RFX6: variants seen among roughly 807,000 people sequenced by gnomAD.
RFX6 encodes DNA-binding protein RFX6.
In RFX6, 50 loss-of-function variants were observed where a neutral mutation model predicts 110.8. The ratio of observed to expected loss-of-function variants is 0.45; its 90% CI spans 0.36 to 0.57. RFX6 has a LOEUF of 0.57. Among genes scored for constraint, RFX6 ranks in the 20% least tolerant of loss-of-function variants. The pLI, the probability that RFX6 is intolerant of heterozygous loss-of-function variation, is 0.00. For synonymous variants in RFX6, 383 were observed against 411.2 expected (o/e 0.93, Z 0.83); for missense variants, 990 against 1,127.0 (o/e 0.88, Z 1.74).
At chr6:116,905,673 TC>T (rs1215453268) in intron 6 of RFX6, among the ~76,000 whole-genome samples, 2 of 151,692 alleles carry the variant, frequency 1.3e-5, no homozygotes, top group Non-Finnish European at 2.9e-5. Context: ...TGCCTCAGCC[TC>T]CCAAGGAGCT....
intron 9 of RFX6, among the ~76,000 whole-genome samples, chr6:116,916,815 G>A (rs1401165777): frequency 6.6e-6 from 1 of 152,078 alleles, no homozygotes; most frequent in Non-Finnish European, 1.5e-5. Flanking sequence ...TCCTAAATAA[G>A]GACAAACTGA....
At chr6:116,911,239 G>T (rs909072536) in intron 7 of RFX6, among the ~76,000 whole-genome samples, 197 bp downstream of exon 7, 1 of 152,174 alleles carries the variant, frequency 6.6e-6, no homozygotes, top group Non-Finnish European at 1.5e-5. Context: ...CTCCATGATA[G>T]TGTGTAATCA....
At chr6:116,880,893 C>T (rs761820367) in intron 3 of RFX6, among the ~76,000 whole-genome samples, 1 of 151,958 alleles carries the variant, frequency 6.6e-6, no homozygotes, top group African/African-American at 2.4e-5. Flanking sequence ...TTAAAGCAAG[C>T]TTTGTTTAAG....
intron 9 of RFX6, among the ~76,000 whole-genome samples, chr6:116,916,691 T>A (rs994759665): frequency 8.5e-5 from 13 of 152,130 alleles, no homozygotes; most frequent in African/African-American, 2.9e-4. Context: ...GGCACCCTTA[T>A]GAGATTAATA....
At position 116,894,056 on chromosome 6, in the gene RFX6, C is replaced by G; in HGVS notation, c.636C>G (p.Gly212=). The G allele has an allele frequency of 6.4e-7, 1 of 1,570,854 alleles. No individual in the cohort carries two copies. Among genetic ancestry groups the G allele is most frequent in the Non-Finnish European group, 8.8e-7 (1 of 1,140,750 alleles). The change falls in exon 5 of 19, where the codon GGC becomes GGG. Residue 212 remains glycine (G), a synonymous_variant. Coordinates refer to ENST00000332958, the MANE Select transcript of RFX6 (RefSeq NM_173560.4). The stretch of plus-strand genomic sequence containing the variant: ...ACCACTCCGTTTATTCTGGAAAGGG[C>G]TTGACAAGGTAGAGTTACACCATCT... ...AYYHSVYSGK[G]LTRFSGSKLK...
intron 10 of RFX6, 54 bp downstream of exon 10, chr6:116,918,140 C>T (rs2114695086): frequency 8.3e-7 from 1 of 1,211,228 alleles, no homozygotes; most frequent in Non-Finnish European, 1.2e-6. Flanking sequence ...TAACTTTATA[C>T]ATTATATTAG....
At chr6:116,884,901 T>C (rs1774667111) in intron 4 of RFX6, 1 of 152,178 alleles carries the variant, frequency 6.6e-6, no homozygotes, top group South Asian at 2.1e-4. Flanking sequence ...CCATTTGATA[T>C]TTGTGACGTG....
At chr6:116,878,262 G>T (rs985063569) in intron 2 of RFX6, among the ~76,000 whole-genome samples, 3 of 152,064 alleles carry the variant, frequency 2.0e-5, no homozygotes, top group African/African-American at 7.2e-5. Flanking sequence ...TATGCAATCA[G>T]TTCAGTCCTT....
intron 1 of RFX6, 120 bp from the exon 2 acceptor site, chr6:116,877,676 C>A: frequency 9.1e-7 from 1 of 1,103,758 alleles, no homozygotes; most frequent in South Asian, 1.4e-5. Context: ...CATAGCCCCC[C>A]TTTCCTCCCC....
At chr6:116,928,174 GATA>G (rs1775793627) in intron 17 of RFX6, among the ~76,000 whole-genome samples, 1 of 151,976 alleles carries the variant, frequency 6.6e-6, no homozygotes, top group Admixed American at 6.6e-5. Context: ...ATTTTTAGTG[GATA>G]ATATTTCTTC....
In RFX6 at chr6:116,927,502, C is replaced by G; in HGVS notation, c.2361C>G (p.Ser787Arg). Reference sequence around the variant, plus strand: ...TCTTGAGCAACACAGGAGCTGCCAGCTGCCAAGGAGCAACACTGCCTCCTA... The same window carrying G: ...TCTTGAGCAACACAGGAGCTGCCAGGTGCCAAGGAGCAACACTGCCTCCTA... ...FNFLSNTGAA[S>R]CQGATLPPNS... Residue 787 changes from serine (S) to arginine (R), a missense_variant, in exon 17 of 19, where the codon AGC (serine) becomes AGG (arginine). Ser to Arg is a moderately radical substitution (Grantham distance 110). This residue lies in a region of RFX6 where 438 missense variants were observed against 441.9 expected (regional missense o/e 0.99). Coordinates refer to ENST00000332958, the MANE Select transcript of RFX6 (RefSeq NM_173560.4). The G allele has an allele frequency of 6.2e-7, 1 of 1,613,958 alleles. No homozygotes were observed. The highest frequency in any genetic ancestry group is 1.7e-5 in the Admixed American group (1 of 60,022).
rs146886010 is a variant in RFX6 at position 116,924,725 on chromosome 6, A to T, written c.1612A>T (p.Thr538Ser). 28 of 1,600,338 alleles carry T rather than the reference A, an allele frequency of 1.7e-5. No homozygotes were observed. In the African/African-American group the frequency reaches 3.6e-4, roughly 21 times the overall value. ...LDEYILLAMETQFNNDKEQEL... is the reference protein window; with the variant it reads ...LDEYILLAMESQFNNDKEQEL... Reference sequence around the variant, plus strand: ...TGAATACATTCTCCTGGCCATGGAGACCCAGTTTAATAATGACAAAGAGCA... The same window carrying T: ...TGAATACATTCTCCTGGCCATGGAGTCCCAGTTTAATAATGACAAAGAGCA... Residue 538 changes from threonine to serine, a missense_variant, in exon 15 of 19, where the codon ACC (threonine) becomes TCC (serine). Thr to Ser is a moderately conservative substitution (Grantham distance 58). Coordinates refer to ENST00000332958, the MANE Select transcript of RFX6 (RefSeq NM_173560.4).
At chr6:116,904,358 T>C (rs1434540521) in intron 6 of RFX6, among the ~76,000 whole-genome samples, 1 of 152,120 alleles carries the variant, frequency 6.6e-6, no homozygotes, top group Non-Finnish European at 1.5e-5. Flanking sequence ...AAGATTTTTA[T>C]TTTATGGTTA....
At position 116,931,987 on chromosome 6, in the gene RFX6, CTT is replaced by C. The variant is rs1265486604; in HGVS notation, c.*482_*483del. On this transcript the variant is annotated 3_prime_UTR_variant, in exon 19 of 19. Coordinates refer to ENST00000332958, the MANE Select transcript of RFX6 (RefSeq NM_173560.4). ...AACGGAAATGTTTACAAGGTCAAGACTTAATTCAATTCAGACAAGACCAAAGT... is the reference window on the plus strand; with the variant it reads ...AACGGAAATGTTTACAAGGTCAAGACAATTCAATTCAGACAAGACCAAAGT... 1 of 160,614 alleles carries C rather than the reference CTT, an allele frequency of 6.2e-6. No homozygotes were observed. Among genetic ancestry groups the C allele is most frequent in the African/African-American group, 2.4e-5 (1 of 41,486 alleles). The allele number at this position is 160,614 out of a possible 1,614,324, so 9.9% of individuals were successfully genotyped here.
intron 6 of RFX6, among the ~76,000 whole-genome samples, chr6:116,910,035 AAAG>A (rs992027537): frequency 5.3e-5 from 8 of 152,290 alleles, no homozygotes; most frequent in African/African-American, 1.4e-4. Context: ...AGAGATAAAC[AAAG>A]AAGTGCAGTC....
At chr6:116,922,228 G>T (rs979818569) in intron 13 of RFX6, 77 bp downstream of exon 13, 4 of 792,106 alleles carry the variant, frequency 5.0e-6, no homozygotes, top group South Asian at 4.1e-5. Context: ...TTTTTTGTCT[G>T]GGGGGAGAGG....
Position 116,893,856 on chromosome 6 carries a change from A to G in RFX6, c.567-131A>G, listed in dbSNP as rs533398146. The G allele has an allele frequency of 4.2e-6, 3 of 718,876 alleles. No homozygotes were observed. In the African/African-American group the frequency reaches 5.2e-5, roughly 13 times the overall value. 44.5% of individuals were successfully genotyped at this position (718,876 alleles called of 1,614,324 possible). On this transcript the variant is annotated intron_variant, in intron 4 of 18. Transcript: ENST00000332958. Reference sequence around the variant, plus strand: ...CACATTAAGATGCTGCCTACCTGAAAAATGTCAGAAAAGAAAGGTCATCAG... The same window carrying G: ...CACATTAAGATGCTGCCTACCTGAAGAATGTCAGAAAAGAAAGGTCATCAG...
At chr6:116,898,438 T>C (rs1774996773) in intron 6 of RFX6, among the ~76,000 whole-genome samples, 1 of 152,066 alleles carries the variant, frequency 6.6e-6, no homozygotes. Flanking sequence ...CAAGTGATCC[T>C]CCCACCTCAG....
chr6:116,921,086 C>T (rs988350807), intron 12 of RFX6, among the ~76,000 whole-genome samples: 2 of 152,110 alleles, frequency 1.3e-5, no homozygotes, highest in African/African-American at 4.8e-5. Flanking sequence ...GGGATAACAG[C>T]CACTATTTTT....
Sources: gnomAD v4.1 joint callset for allele counts (sites outside exome capture counted in the v4.1 genomes callset) on GRCh38, gnomAD v4.1.1 for gene constraint, gnomAD v4.1.1 regional missense constraint, MANE v1.5 for transcripts, NCBI Gene and HGNC (gene_info 2026-07-23, HGNC 2026-07-21) for gene names.